The following GREP1 variants were observed in gnomAD, a reference collection of about 807,000 sequenced individuals.
GREP1 encodes the protein glycine rich extracellular protein 1.
Position 2,991,436 on chromosome 16 carries a change from A to G in GREP1, c.322+335A>G. On this transcript the variant is annotated intron_variant, in intron 8 of 34. Transcript: ENST00000573315. The surrounding 1 kb of genome is among the most constrained non-coding windows in gnomAD (Gnocchi z 4.9). ...CTCTTCCAGGGGCAGGAACCCCACC[A>G]GGTGAGGGTGGCTGGGCAGGGGCCG... 4.2e-6 allele frequency: 1 copy of G among 237,048 alleles called. No homozygotes were observed. The highest frequency in any genetic ancestry group is 8.1e-6 in the Non-Finnish European group (1 of 123,488). 14.7% of individuals were successfully genotyped at this position (237,048 alleles called of 1,614,324 possible).
intron 28 of GREP1, 58 bp downstream of exon 25, chr16:3,000,001 C>T: frequency 5.0e-6 from 2 of 399,166 alleles, no homozygotes; most frequent in Non-Finnish European, 8.8e-6. Context: ...CCCTCCTCTT[C>T]CTTCTGCCAT....
intron 21 of GREP1, chr16:2,997,360 A>G (rs1428069389): frequency 2.5e-6 from 1 of 397,020 alleles, no homozygotes; most frequent in African/African-American, 2.1e-5. Flanking sequence ...AGAATCCCAA[A>G]CCCCCTGCTC....
Position 2,989,826 on chromosome 16 carries a change from T to A in GREP1, c.131-148T>A, listed in dbSNP as rs12935188. The A allele has an allele frequency of 0.67, 264,221 of 396,994 alleles. 89,052 individuals are homozygous for A. The highest frequency in any genetic ancestry group is 0.83 in the African/African-American group (40,324 of 48,614). 24.6% of individuals were successfully genotyped at this position (396,994 alleles called of 1,614,324 possible). On this transcript the variant is annotated intron_variant, in intron 3 of 34. Coordinates refer to ENST00000573315, the Ensembl canonical transcript of GREP1. This position sits in a 1 kb window ranked among gnomAD's most constrained non-coding sequence, Gnocchi z 4.2. ...GGAAGGAGGGAGGGAAGGAGGCTGA[T>A]AGCACCCACCTGTGCCCCACAGCCC...
exon 30 of GREP1, chr16:3,000,336 G>A (rs1028058476): frequency 1.0e-5 from 4 of 399,172 alleles, no homozygotes; most frequent in Admixed American, 4.4e-5. Flanking sequence ...GGTCTTCCCC[G>A]AGGCCCACCC....
chr16:2,997,416 C>T (rs937923165), exon 22 of GREP1: 9 of 398,806 alleles, frequency 2.3e-5, no homozygotes, highest in East Asian at 3.6e-5. Context: ...GGCTACAGAG[C>T]AGGTACTGGG....
chr16:2,991,308 A>C lies in GREP1; in HGVS notation c.322+207A>C. 5.2e-6 allele frequency: 2 copies of C among 386,596 alleles called. No homozygotes were observed. Among genetic ancestry groups the C allele is most frequent in the African/African-American group, 2.1e-5 (1 of 48,274 alleles). The allele number at this position is 386,596 out of a possible 1,614,324, so 23.9% of individuals were successfully genotyped here. The stretch of plus-strand genomic sequence containing the variant: ...GCCCTGCCCCGCCTTGCCCACTTAT[A>C]TCCAGGCGCCTCTGGGTCCCTCAAG... On this transcript the variant is annotated intron_variant, in intron 8 of 34. Coordinates refer to ENST00000573315, the Ensembl canonical transcript of GREP1. The surrounding 1 kb of genome is among the most constrained non-coding windows in gnomAD (Gnocchi z 4.9).
In GREP1 at chr16:2,989,852, T is replaced by TC. The variant is rs898230464; in HGVS notation, c.131-117dup. 6 of 397,822 alleles carry TC rather than the reference T, an allele frequency of 1.5e-5. No individual in the cohort carries two copies. The highest frequency in any genetic ancestry group is 4.4e-5 in the Admixed American group (1 of 22,702). The allele number at this position is 397,822 out of a possible 1,614,324, so 24.6% of individuals were successfully genotyped here. On this transcript the variant is annotated intron_variant, in intron 3 of 34. Transcript: ENST00000573315. This position sits in a 1 kb window ranked among gnomAD's most constrained non-coding sequence, Gnocchi z 4.2. ...AGCACCCACCTGTGCCCCACAGCCC[T>TC]CCCCCATCATGGGAAGGGACTGAGT... is the stretch of plus-strand genomic sequence containing the variant.
In GREP1 at chr16:2,994,730, A is replaced by G. The variant is rs112577608; in HGVS notation, c.415+3A>G. The G allele has an allele frequency of 0.012, 4,487 of 372,590 alleles. 188 individuals carry two copies. The highest frequency in any genetic ancestry group is 0.086 in the African/African-American group (4,057 of 47,386). 23.1% of individuals were successfully genotyped at this position (372,590 alleles called of 1,614,324 possible). ...CACTCAAAATGGCTATAGACCAGGT[A>G]GGGGCGGGGCTGGGGTTTGGGGAGG... On this transcript the variant is annotated splice_donor_region_variant and intron_variant, in intron 11 of 34. Transcript: ENST00000573315.
rs1365088103 is a variant in GREP1, at chr16:2,989,700, G to T, written c.130+148G>T. On this transcript the variant is annotated intron_variant, in intron 3 of 34. Coordinates refer to ENST00000573315, the Ensembl canonical transcript of GREP1. The surrounding 1 kb of genome is among the most constrained non-coding windows in gnomAD (Gnocchi z 4.2). The stretch of plus-strand genomic sequence containing the variant: ...TACATGGGGACAGAGCATAGCCCCA[G>T]AGTGTCCCCCAGGCACCCTGGCTGG... 5.0e-6 allele frequency: 2 copies of T among 399,242 alleles called. No individual in the cohort carries two copies. Among genetic ancestry groups the T allele is most frequent in the Non-Finnish European group, 8.8e-6 (2 of 226,464 alleles). 24.7% of individuals were successfully genotyped at this position (399,242 alleles called of 1,614,324 possible). A position where few individuals can be genotyped will look rare whatever the true frequency, so the allele number is the denominator to read the frequency against.
At position 2,992,630 on chromosome 16, in the gene GREP1, C is replaced by T. The variant is rs138168123; in HGVS notation, c.323-175C>T. Reference sequence around the variant, plus strand: ...CAAGGGTGGCCACGGTCTGGACTCCCGGGCCAAGAACCAAATCCAACTTTG... The same window carrying T: ...CAAGGGTGGCCACGGTCTGGACTCCTGGGCCAAGAACCAAATCCAACTTTG... On this transcript the variant is annotated intron_variant, in intron 8 of 34. Transcript: ENST00000573315. The surrounding 1 kb of genome is among the most constrained non-coding windows in gnomAD (Gnocchi z 4.9). 6.1e-3 allele frequency: 2,383 copies of T among 393,834 alleles called. 16 individuals are homozygous for T. The highest frequency in any genetic ancestry group is 0.017 in the Middle Eastern group (27 of 1,578). The allele number at this position is 393,834 out of a possible 1,614,324, so 24.4% of individuals were successfully genotyped here. A position where few individuals can be genotyped will look rare whatever the true frequency, so the allele number is the denominator to read the frequency against.
chr16:2,994,950 G>T lies in GREP1; in HGVS notation c.472G>T (p.Gly158Ter), dbSNP rs1172251975. The T allele has an allele frequency of 2.5e-6, 1 of 399,128 alleles. No individual in the cohort carries two copies. The highest frequency in any genetic ancestry group is 2.1e-5 in the African/African-American group (1 of 48,730). 24.7% of individuals were successfully genotyped at this position (399,128 alleles called of 1,614,324 possible). The change falls in exon 13 of 35, where the codon GGA becomes TGA. Residue 158 changes from glycine to a stop codon, truncating the protein, a stop_gained. Coordinates refer to ENST00000573315, the Ensembl canonical transcript of GREP1. LOFTEE classifies it high-confidence loss of function. Reference sequence around the variant, plus strand: ...AGGATTCCAGTACAGAATTGGGCTGGGAGCCCAGCCAGGTGAAGGGGGTAC... The same window carrying T: ...AGGATTCCAGTACAGAATTGGGCTGTGAGCCCAGCCAGGTGAAGGGGGTAC...
chr16:2,997,448 C>T, intron 22 of GREP1: 2 of 399,096 alleles, frequency 5.0e-6, no homozygotes, highest in Non-Finnish European at 8.8e-6. Context: ...GCTGGGAGTG[C>T]AGAAAGGAGG....
At chr16:2,993,584 T>G (rs776824080) in intron 10 of GREP1, 1 of 151,914 alleles carries the variant, frequency 6.6e-6, no homozygotes, top group Non-Finnish European at 1.5e-5. Context: ...TGAGGATCAC[T>G]TGAGCCCAGG....
intron 13 of GREP1, 72 bp downstream of exon 14, chr16:2,995,034 T>C (rs1450938358): frequency 1.0e-5 from 4 of 398,428 alleles, no homozygotes; most frequent in Non-Finnish European, 1.8e-5. Flanking sequence ...GCGGGATTGG[T>C]GAATGATGGA....
chr16:2,990,364 TG>T (rs938385984), intron 5 of GREP1, 187 bp from the exon 6 acceptor site: 2 of 398,724 alleles, frequency 5.0e-6, no homozygotes, highest in Non-Finnish European at 8.8e-6. Context: ...CAGGTAGAGA[TG>T]GGAGTGGGGG....
rs1230030120 is a variant in GREP1, at chr16:2,997,099, C to T, written c.886+14C>T. 4.8e-5 allele frequency: 19 copies of T among 399,048 alleles called. No homozygotes were observed. The highest frequency in any genetic ancestry group is 2.5e-4 in the South Asian group (2 of 7,848). The allele number at this position is 399,048 out of a possible 1,614,324, so 24.7% of individuals were successfully genotyped here. On this transcript the variant is annotated intron_variant, in intron 21 of 34. Transcript: ENST00000573315. Reference sequence around the variant, plus strand: ...CCCAGAAGCCAGGTGAGCCCTGCCCCGCCTGTCCCTCTGCCTCCCCCAAAC... The same window carrying T: ...CCCAGAAGCCAGGTGAGCCCTGCCCTGCCTGTCCCTCTGCCTCCCCCAAAC...
intron 21 of GREP1, chr16:2,997,295 G>A (rs1196779383): frequency 2.5e-6 from 1 of 398,530 alleles, no homozygotes; most frequent in East Asian, 3.6e-5. Flanking sequence ...AGGATCCCTG[G>A]TTTCTGACTT....
At chr16:2,990,740 T>C (rs1304432207) in intron 7 of GREP1, among the ~76,000 whole-genome samples, 153 bp downstream of exon 6, 2 of 152,074 alleles carry the variant, frequency 1.3e-5, no homozygotes, top group African/African-American at 4.8e-5. Flanking sequence ...GGTGGGTGTC[T>C]CACGGGAAGT....
intron 1 of GREP1, 26 bp from the exon 2 acceptor site, chr16:2,988,564 G>C (rs2072382757): frequency 2.5e-6 from 1 of 399,018 alleles, no homozygotes; most frequent in Non-Finnish European, 4.4e-6. Flanking sequence ...CCCCAGCCTT[G>C]AGTCAGCACT....
Sources: allele counts gnomAD v4.1 joint callset (sites outside exome capture counted in the v4.1 genomes callset), GRCh38; gene constraint gnomAD v4.1.1; non-coding constraint Gnocchi (gnomAD v3.1); transcripts MANE v1.5; gene names NCBI Gene and HGNC (gene_info 2026-07-23, HGNC 2026-07-21).